Variants in RASA3 observed in about 807,000 individuals in gnomAD.
The protein encoded by RASA3 is RAS p21 protein activator 3.
In RASA3, 73 loss-of-function variants were observed where a neutral mutation model predicts 110.0. That is an observed-to-expected ratio of 0.66 (90% CI 0.55 to 0.81). The LOEUF is 0.81. RASA3 is among the 30% of genes least tolerant of loss of function. RASA3 has a pLI of 0.00. For synonymous variants in RASA3, 500 were observed against 451.4 expected (o/e 1.11, Z -1.37); for missense variants, 976 against 1,113.2 (o/e 0.88, Z 1.75).
chr13:114,043,530 C>T (rs2078973148), intron 3 of RASA3, among the ~76,000 whole-genome samples: 1 of 152,136 alleles, frequency 6.6e-6, no homozygotes. Flanking sequence ...CACAGGCACT[C>T]ATGGGTTCCT....
intron 1 of RASA3, chr13:114,077,922 C>T (rs932521947): frequency 1.0e-6 from 1 of 985,216 alleles, no homozygotes; most frequent in Non-Finnish European, 1.2e-6. Flanking sequence ...ATTTCCCTGC[C>T]TCAGGCTTCT....
chr13:114,042,904 C>T lies in RASA3; in HGVS notation c.278-1810G>A, dbSNP rs189797637. 4.9e-3 allele frequency among the ~76,000 whole-genome samples: 742 copies of T among 152,342 alleles called. 16 individuals carry two copies. Among genetic ancestry groups the T allele is most frequent in the Admixed American group, 0.044 (667 of 15,300 alleles). On this transcript the variant is annotated intron_variant, in intron 3 of 23. Transcript: ENST00000334062. ...GGTACCACTCTGCACACCCCACAGA[C>T]GAGCAGGCCGGGGCTGCAGGGAGAG...
At position 114,112,101 on chromosome 13, in the gene RASA3, C is replaced by CA. The variant is rs386380800; in HGVS notation, c.55+20333_55+20334insT. Among the ~76,000 whole-genome samples, 1 of 151,662 alleles carries CA rather than the reference C, an allele frequency of 6.6e-6. No individual in the cohort carries two copies. Among genetic ancestry groups the CA allele is most frequent in the Admixed American group, 6.6e-5 (1 of 15,220 alleles). ...CCTGGAAACAGCAGCCCCCAGGCAC[C>CA]CCCCCCAGCAACTGGGACAAGGGCA... On this transcript the variant is annotated intron_variant, in intron 1 of 23. Coordinates refer to ENST00000334062, the MANE Select transcript of RASA3 (RefSeq NM_007368.4). The surrounding 1 kb of genome is among the most constrained non-coding windows in gnomAD (Gnocchi z 4.8).
intron 2 of RASA3, among the ~76,000 whole-genome samples, chr13:114,060,089 G>A (rs2079312249): frequency 6.6e-6 from 1 of 152,252 alleles, no homozygotes; most frequent in Non-Finnish European, 1.5e-5. Flanking sequence ...GGCGCGGAGA[G>A]CGCAGGAGGG....
intron 18 of RASA3, among the ~76,000 whole-genome samples, chr13:114,003,359 C>T (rs960359694): frequency 1.3e-5 from 2 of 152,192 alleles, no homozygotes; most frequent in African/African-American, 4.8e-5. Context: ...GTCCTTGAAC[C>T]TGTATCTACA....
chr13:114,074,391 C>T (rs1027702785), intron 1 of RASA3, among the ~76,000 whole-genome samples: 7 of 152,182 alleles, frequency 4.6e-5, no homozygotes, highest in African/African-American at 1.7e-4. Context: ...CCTTTCAGCC[C>T]GGCTCACTCT....
At chr13:114,073,185 G>T (rs1360095682) in intron 2 of RASA3, among the ~76,000 whole-genome samples, 2 of 147,350 alleles carry the variant, frequency 1.4e-5, no homozygotes, top group African/African-American at 5.0e-5. Flanking sequence ...TTCCCTACAC[G>T]CAGGAAAACG....
chr13:114,019,032 T>C (rs938422499), intron 9 of RASA3, 113 bp from the exon 10 acceptor site: 6 of 1,347,864 alleles, frequency 4.5e-6, no homozygotes, highest in Non-Finnish European at 6.2e-6. Context: ...GGTGATCCTG[T>C]AGGACCCCTC....
intron 4 of RASA3, among the ~76,000 whole-genome samples, chr13:114,033,133 C>A (rs1317346056): frequency 1.1e-5 from 1 of 91,890 alleles, no homozygotes; most frequent in Non-Finnish European, 2.1e-5. Context: ...ACGGAACCCC[C>A]GCACTGACAC....
At chr13:114,123,138 G>A (rs1325931761) in intron 1 of RASA3, among the ~76,000 whole-genome samples, 1 of 152,148 alleles carries the variant, frequency 6.6e-6, no homozygotes, top group Non-Finnish European at 1.5e-5. Context: ...AGAGGAGGGG[G>A]GCCGGAAACA....
At chr13:114,044,689 A>G (rs1303896399) in intron 3 of RASA3, among the ~76,000 whole-genome samples, 1 of 149,156 alleles carries the variant, frequency 6.7e-6, no homozygotes, top group African/African-American at 2.5e-5. Context: ...TCTCACAGGA[A>G]TAAAGCCACA....
chr13:114,001,418 A>ACG (rs1320095362), intron 18 of RASA3, among the ~76,000 whole-genome samples: 6 of 93,640 alleles, frequency 6.4e-5, no homozygotes, highest in Admixed American at 9.8e-5. Context: ...GCTCACACAC[A>ACG]GAGGACCTAC....
At chr13:114,043,691 C>T (rs1446989343) in intron 3 of RASA3, among the ~76,000 whole-genome samples, 1 of 152,052 alleles carries the variant, frequency 6.6e-6, no homozygotes, top group African/African-American at 2.4e-5. Flanking sequence ...CAGGCCCCAG[C>T]ACATGTGGGA....
chr13:114,064,602 A>T (rs1225052028), intron 2 of RASA3, among the ~76,000 whole-genome samples: 1 of 152,184 alleles, frequency 6.6e-6, no homozygotes, highest in African/African-American at 2.4e-5. Context: ...CAAAAGAAAA[A>T]TGAAACCGGC....
At chr13:114,090,212 C>T (rs1275117692) in intron 1 of RASA3, among the ~76,000 whole-genome samples, 3 of 152,216 alleles carry the variant, frequency 2.0e-5, no homozygotes, top group East Asian at 1.9e-4. Flanking sequence ...AGGAGCCACC[C>T]GGCTGCCTGC....
intron 20 of RASA3, 63 bp downstream of exon 20, chr13:113,999,522 G>A: frequency 7.4e-7 from 1 of 1,349,344 alleles, no homozygotes; most frequent in Non-Finnish European, 1.1e-6. Flanking sequence ...GGTACGGGAA[G>A]AGAGCAGAGA....
At chr13:113,993,921 A>T (rs2053177573) in intron 21 of RASA3, among the ~76,000 whole-genome samples, 1 of 152,082 alleles carries the variant, frequency 6.6e-6, no homozygotes, top group African/African-American at 2.4e-5. Context: ...ATTTGCACGC[A>T]GGTGCAACCA....
chr13:114,106,055 G>A (rs1031826319), intron 1 of RASA3, among the ~76,000 whole-genome samples: 1 of 152,216 alleles, frequency 6.6e-6, no homozygotes. Context: ...AGGATGACCG[G>A]GTGTTGGGAT....
intron 8 of RASA3, 37 bp from the exon 9 acceptor site, chr13:114,021,545 G>T: frequency 6.4e-7 from 1 of 1,572,546 alleles, no homozygotes; most frequent in Non-Finnish European, 8.7e-7. Context: ...AGCTGACGGC[G>T]GGCAGCCCGT....
Sources: allele counts gnomAD v4.1 joint callset (sites outside exome capture counted in the v4.1 genomes callset), GRCh38; gene constraint gnomAD v4.1.1; non-coding constraint Gnocchi (gnomAD v3.1); transcripts MANE v1.5; gene names NCBI Gene and HGNC (gene_info 2026-07-23, HGNC 2026-07-21).